NBN: variants seen among roughly 807,000 people sequenced by gnomAD.
The protein encoded by NBN is Nijmegen breakage syndrome 1 (nibrin).
Under a neutral mutation model 90.8 loss-of-function variants are expected in NBN, and 88 were observed. The ratio of observed to expected loss-of-function variants is 0.97; its 90% confidence interval spans 0.82 to 1.16. The LOEUF (loss-of-function observed/expected upper bound fraction) is 1.16. Among genes scored for constraint, NBN ranks in the 50% most tolerant of loss-of-function variants. The pLI, the probability that NBN is intolerant of heterozygous loss-of-function variation, is 0.00. For missense variants in NBN, 894 were observed against 869.6 expected (o/e 1.03, Z -0.35); for synonymous variants, 328 against 295.1 (o/e 1.11, Z -1.14).
chr8:89,970,300 CA>C (rs1353250611), intron 7 of NBN, 63 bp downstream of exon 7: 124 of 1,394,118 alleles, frequency 8.9e-5, no homozygotes, highest in Non-Finnish European at 1.2e-4. Context: ...TGAAAAGCAA[CA>C]AAAAAGGTTA....
Position 89,947,889 on chromosome 8 carries a change from C to CTTGAGATATT in NBN, c.1848_1849insAATATCTCAA (p.Glu617AsnfsTer6). ...TCACGTTTCTTCCCAATTTCATTTT[C>CTTGAGATATT]TTGCTAAAGAAATAAAATAAAAAAT... On this transcript the variant is annotated frameshift_variant, in exon 12 of 16. Coordinates refer to ENST00000265433, the MANE Select transcript of NBN (RefSeq NM_002485.5). LOFTEE classifies it high-confidence loss of function. The CTTGAGATATT allele has an allele frequency of 6.5e-7, 1 of 1,549,686 alleles. No individual in the cohort carries two copies. The highest frequency in any genetic ancestry group is 8.9e-7 in the Non-Finnish European group (1 of 1,129,794).
intron 8 of NBN, among the ~76,000 whole-genome samples, chr8:89,962,010 G>T (rs929779272): frequency 6.6e-6 from 1 of 152,032 alleles, no homozygotes; most frequent in Non-Finnish European, 1.5e-5. Context: ...AAATGGAAAA[G>T]GAAGAATAAA....
intron 8 of NBN, among the ~76,000 whole-genome samples, chr8:89,959,457 C>T (rs1810887580): frequency 6.6e-6 from 1 of 152,118 alleles, no homozygotes; most frequent in Non-Finnish European, 1.5e-5. Context: ...GCAAATCATT[C>T]TAATAACAAT....
intron 7 of NBN, among the ~76,000 whole-genome samples, chr8:89,964,794 C>T (rs2129790015): frequency 6.6e-6 from 1 of 152,178 alleles, no homozygotes; most frequent in African/African-American, 2.4e-5. Context: ...AAAAAGAATA[C>T]AGTACTACCC....
chr8:89,938,728 C>T (rs891468129), intron 14 of NBN, among the ~76,000 whole-genome samples: 3 of 152,132 alleles, frequency 2.0e-5, no homozygotes, highest in Admixed American at 6.5e-5. Context: ...GGGATTCGAT[C>T]TTACAGACTG....
At chr8:89,975,242 G>A (rs940156892) in intron 5 of NBN, among the ~76,000 whole-genome samples, 1 of 152,150 alleles carries the variant, frequency 6.6e-6, no homozygotes, top group Non-Finnish European at 1.5e-5. Flanking sequence ...TACTAAATAG[G>A]ACTGTATATT....
At chr8:89,981,883 G>T in intron 2 of NBN, 1 of 721,268 alleles carries the variant, frequency 1.4e-6, no homozygotes, top group Non-Finnish European at 2.0e-6. Flanking sequence ...TTGTTTTACA[G>T]TATCAAAACC....
intron 3 of NBN, 141 bp downstream of exon 3, chr8:89,981,234 C>T (rs369105523): frequency 8.9e-6 from 8 of 896,552 alleles, no homozygotes; most frequent in South Asian, 4.6e-5. Flanking sequence ...GCACTCACCA[C>T]CCATGGCACA....
chr8:89,947,590 T>C (rs1810252638), intron 12 of NBN, among the ~76,000 whole-genome samples: 1 of 151,990 alleles, frequency 6.6e-6, no homozygotes, highest in African/African-American at 2.4e-5. Flanking sequence ...GATCACACCA[T>C]TGCATTCCAG....
intron 7 of NBN, 107 bp from the exon 8 acceptor site, chr8:89,964,614 T>G (rs1811160334): frequency 8.9e-7 from 1 of 1,128,318 alleles, no homozygotes. Context: ...CAAATAATTT[T>G]ATGGTATAGA....
intron 7 of NBN, among the ~76,000 whole-genome samples, chr8:89,965,410 C>T (rs774090942): frequency 3.9e-5 from 6 of 151,986 alleles, no homozygotes; most frequent in Non-Finnish European, 5.9e-5. Flanking sequence ...AACAAAAATA[C>T]ACCATTTAAT....
At chr8:89,959,949 G>A (rs775770538) in intron 8 of NBN, among the ~76,000 whole-genome samples, 13 of 152,160 alleles carry the variant, frequency 8.5e-5, no homozygotes, top group Non-Finnish European at 1.9e-4. Context: ...AGCATTAGCT[G>A]TTATCATTAT....
At chr8:89,945,660 G>A (rs796597900) in intron 13 of NBN, among the ~76,000 whole-genome samples, 13 of 152,252 alleles carry the variant, frequency 8.5e-5, no homozygotes, top group African/African-American at 3.1e-4. Flanking sequence ...ATAAGTATCA[G>A]TTCCTTAATG....
intron 7 of NBN, among the ~76,000 whole-genome samples, chr8:89,966,457 A>G (rs1198938683): frequency 6.6e-6 from 1 of 152,230 alleles, no homozygotes; most frequent in East Asian, 1.9e-4. Context: ...TTATAATAAT[A>G]TCAGAGAATA....
intron 9 of NBN, among the ~76,000 whole-genome samples, chr8:89,956,595 C>T (rs1035108687): frequency 6.6e-6 from 1 of 152,094 alleles, no homozygotes; most frequent in African/African-American, 2.4e-5. Context: ...GGCAACATCA[C>T]GCAATACAAA....
chr8:89,946,325 A>T (rs1344553986), intron 12 of NBN, 30 bp from the exon 13 acceptor site: 1 of 1,541,656 alleles, frequency 6.5e-7, no homozygotes, highest in Non-Finnish European at 9.0e-7. Context: ...GATAGGTAAG[A>T]AAGAGAAGAA....
rs531083909 is a variant in NBN, at chr8:89,978,652, C to T, written c.481-329G>A. The stretch of plus-strand genomic sequence containing the variant: ...TTAAAATGCATTCCACTTTCGAAGA[C>T]ATTAAAATGTTAAAAATATATTTCA... On this transcript the variant is annotated intron_variant, in intron 4 of 15. Coordinates refer to ENST00000265433, the MANE Select transcript of NBN (RefSeq NM_002485.5). Among the ~76,000 whole-genome samples the T allele has an allele frequency of 9.2e-5, 14 of 152,122 alleles. No individual in the cohort carries two copies. In the South Asian group the frequency reaches 2.9e-3, roughly 32 times the overall value.
intron 10 of NBN, among the ~76,000 whole-genome samples, chr8:89,954,318 A>G (rs1282771365): frequency 2.6e-5 from 4 of 152,184 alleles, no homozygotes; most frequent in African/African-American, 9.6e-5. Context: ...GAACAAGAAC[A>G]GTCAACCCAA....
chr8:89,943,491 A>G (rs1810048201), intron 13 of NBN, 125 bp from the exon 14 acceptor site: 2 of 1,007,928 alleles, frequency 2.0e-6, no homozygotes. Context: ...ATATTCTACA[A>G]ATAAAAGTGA....
Sources: allele counts gnomAD v4.1 joint callset (sites outside exome capture counted in the v4.1 genomes callset), GRCh38; gene constraint gnomAD v4.1.1; transcripts MANE v1.5; gene names NCBI Gene and HGNC (gene_info 2026-07-23, HGNC 2026-07-21).